Variants in GRB10 observed in about 807,000 individuals in gnomAD.
The protein encoded by GRB10 is growth factor receptor bound protein 10.
GRB10 carries 20 observed loss-of-function variants against 80.9 expected under a neutral mutation model. The ratio of observed to expected loss-of-function variants is 0.25; its 90% CI spans 0.17 to 0.36. GRB10 has a LOEUF of 0.36. GRB10 is among the 10% of genes least tolerant of loss of function. The probability of loss-of-function intolerance (pLI) is 1.00; values close to 1 mark genes in which losing one functional copy is unlikely to be tolerated. For synonymous variants in GRB10, 291 were observed against 291.5 expected (o/e 1.00, Z 0.02); for missense variants, 548 against 747.7 (o/e 0.73, Z 3.12).
rs538711584 is a variant in GRB10 at position 50,626,853 on chromosome 7, T to C, written c.630A>G (p.Thr210=). Residue 210 remains threonine, a synonymous_variant, in exon 8 of 19, where the codon ACA becomes ACG. Transcript: ENST00000401949. ...CTAGGTGCGGGTGGTGCTCCACTAG[T>C]GTCCAGCTGTTGTCATCCACACAGT... is the stretch of plus-strand genomic sequence containing the variant. ...KSHCVDDNSW[T]LVEHHPHLGL... is the part of the protein sequence containing the mutation. 1.2e-6 allele frequency: 2 copies of C among 1,614,136 alleles called. No homozygotes were observed. The highest frequency in any genetic ancestry group is 1.3e-5 in the African/African-American group (1 of 75,028).
intron 4 of GRB10, among the ~76,000 whole-genome samples, chr7:50,720,332 T>C (rs1201633390): frequency 1.3e-5 from 2 of 152,192 alleles, no homozygotes; most frequent in Non-Finnish European, 2.9e-5. Context: ...AGAGTCTGCT[T>C]GAAACACACA....
intron 4 of GRB10, among the ~76,000 whole-genome samples, chr7:50,719,930 C>T (rs1301707312): frequency 6.6e-6 from 1 of 151,920 alleles, no homozygotes; most frequent in African/African-American, 2.4e-5. Context: ...ATCTCTGGCA[C>T]CTAGAAATAG....
At chr7:50,708,260 T>C (rs2065310100) in intron 4 of GRB10, among the ~76,000 whole-genome samples, 3 of 152,110 alleles carry the variant, frequency 2.0e-5, no homozygotes, top group Admixed American at 2.0e-4. Flanking sequence ...GTTTATGAAA[T>C]TCCAAGGTCA....
chr7:50,760,075 A>G (rs1293436401), intron 2 of GRB10, among the ~76,000 whole-genome samples: 2 of 152,228 alleles, frequency 1.3e-5, no homozygotes, highest in East Asian at 3.9e-4. Context: ...AAGATGGGTT[A>G]GCCAGAGAGC....
rs557603675 is a variant in GRB10 at position 50,614,241 on chromosome 7, CATGT to C, written c.1095+525_1095+528del. Among the ~76,000 whole-genome samples the C allele has an allele frequency of 2.8e-3, 428 of 152,262 alleles. 2 individuals carry two copies. The highest frequency in any genetic ancestry group is 9.6e-3 in the African/African-American group (397 of 41,548). On this transcript the variant is annotated intron_variant, in intron 12 of 18. Transcript: ENST00000401949. ...GTATGCACAAAGGTGTATGTCTATA[CATGT>C]ATGTATGCACGTGTGGGTATGTGCA...
Position 50,626,819 on chromosome 7 carries a change from T to C in GRB10, c.661+3A>G, listed in dbSNP as rs778594881. ...TGCCAATCCTGTTCTGATGGTTCCC[T>C]ACCTAATCCTAGGTGCGGGTGGTGC... On this transcript the variant is annotated splice_donor_region_variant and intron_variant, in intron 8 of 18. Coordinates refer to ENST00000401949, the MANE Select transcript of GRB10 (RefSeq NM_001350814.2). The C allele has an allele frequency of 6.2e-7, 1 of 1,614,204 alleles. No individual in the cohort carries two copies. Among genetic ancestry groups the C allele is most frequent in the South Asian group, 1.1e-5 (1 of 91,086 alleles).
chr7:50,768,402 C>G (rs941788677), intron 2 of GRB10, among the ~76,000 whole-genome samples: 10 of 152,184 alleles, frequency 6.6e-5, no homozygotes, highest in African/African-American at 2.4e-4. Context: ...TTCAATTGCC[C>G]TAATAAGGCC....
chr7:50,593,988 T>C (rs1210245863), intron 18 of GRB10, among the ~76,000 whole-genome samples: 3 of 152,174 alleles, frequency 2.0e-5, no homozygotes, highest in Non-Finnish European at 4.4e-5. Context: ...CTTTCTTTTT[T>C]TTTTTTAATT....
intron 2 of GRB10, among the ~76,000 whole-genome samples, chr7:50,777,170 CCT>C (rs1274213392): frequency 1.3e-5 from 2 of 152,084 alleles, no homozygotes; most frequent in Non-Finnish European, 2.9e-5. Context: ...CTGGTGAGGG[CCT>C]CTCTCTGCTT....
At chr7:50,632,023 C>G (rs545271699) in intron 7 of GRB10, among the ~76,000 whole-genome samples, 1 of 152,256 alleles carries the variant, frequency 6.6e-6, no homozygotes, top group East Asian at 1.9e-4. Flanking sequence ...GCCCTGAAGG[C>G]CTCAAATTGG....
chr7:50,702,895 C>T (rs2064447210), intron 5 of GRB10, among the ~76,000 whole-genome samples: 1 of 152,224 alleles, frequency 6.6e-6, no homozygotes, highest in South Asian at 2.1e-4. Flanking sequence ...TAAGCATTAA[C>T]ACCAAGGCTT....
intron 7 of GRB10, among the ~76,000 whole-genome samples, chr7:50,652,048 ATCTAT>A (rs2058059735): frequency 6.6e-6 from 1 of 152,236 alleles, no homozygotes; most frequent in African/African-American, 2.4e-5. Flanking sequence ...AAGGGCCCTG[ATCTAT>A]TCTGGAAATT....
chr7:50,650,716 T>C (rs534257191), intron 7 of GRB10, among the ~76,000 whole-genome samples: 3 of 152,224 alleles, frequency 2.0e-5, no homozygotes, highest in East Asian at 1.9e-4. Flanking sequence ...GTGGCTCTCA[T>C]TGAGAGCAGG....
chr7:50,663,125 T>C (rs1037358588), intron 7 of GRB10, among the ~76,000 whole-genome samples: 1 of 152,120 alleles, frequency 6.6e-6, no homozygotes, highest in African/African-American at 2.4e-5. Flanking sequence ...AGAGCTGACA[T>C]GGAGATAAAG....
intron 8 of GRB10, among the ~76,000 whole-genome samples, chr7:50,620,635 T>C (rs554720974): frequency 2.0e-5 from 3 of 152,298 alleles, no homozygotes; most frequent in Admixed American, 6.5e-5. Flanking sequence ...AAGCTCAGAC[T>C]TGGCACCACC....
intron 3 of GRB10, among the ~76,000 whole-genome samples, chr7:50,748,486 A>T (rs2073421308): frequency 6.6e-6 from 1 of 152,264 alleles, no homozygotes; most frequent in Non-Finnish European, 1.5e-5. Flanking sequence ...CCAGAGGCAA[A>T]GGCACACACA....
chr7:50,602,502 A>T (rs962268372), intron 17 of GRB10, among the ~76,000 whole-genome samples: 8 of 152,268 alleles, frequency 5.3e-5, no homozygotes, highest in Admixed American at 2.6e-4. Context: ...TCAGGGAGAC[A>T]GAGGAACTTA....
intron 18 of GRB10, among the ~76,000 whole-genome samples, chr7:50,594,127 C>A (rs1168087400): frequency 1.3e-5 from 2 of 152,132 alleles, no homozygotes; most frequent in African/African-American, 4.8e-5. Context: ...TTCCCTAGGA[C>A]AGTAATTCCT....
chr7:50,594,859 T>C (rs1157904832), intron 18 of GRB10, among the ~76,000 whole-genome samples: 1 of 152,194 alleles, frequency 6.6e-6, no homozygotes, highest in Non-Finnish European at 1.5e-5. Context: ...AAAGGGAGAA[T>C]GGTCTTTAGA....
Sources: allele counts gnomAD v4.1 joint callset (sites outside exome capture counted in the v4.1 genomes callset), GRCh38; gene constraint gnomAD v4.1.1; transcripts MANE v1.5; gene names NCBI Gene and HGNC (gene_info 2026-07-23, HGNC 2026-07-21).